CNTNAP2: variants seen among roughly 807,000 people sequenced by gnomAD.
CNTNAP2 encodes the protein contactin-associated protein-like 2.
In CNTNAP2, 98 loss-of-function variants were observed where a neutral mutation model predicts 155.2. The ratio of observed to expected loss-of-function variants is 0.63; its 90% CI spans 0.54 to 0.75. The LOEUF is 0.75. CNTNAP2 is among the 30% of genes least tolerant of loss of function. The pLI, the probability that CNTNAP2 is intolerant of heterozygous loss-of-function variation, is 0.00. For synonymous variants in CNTNAP2, 651 were observed against 631.2 expected (o/e 1.03, Z -0.47); for missense variants, 1,727 against 1,688.1 (o/e 1.02, Z -0.40).
chr7:146,182,234 G>T (rs1798559750), intron 1 of CNTNAP2, among the ~76,000 whole-genome samples: 1 of 152,064 alleles, frequency 6.6e-6, no homozygotes, highest in African/African-American at 2.4e-5. Context: ...AGAGACAAGA[G>T]AATCTTTTTG....
intron 9 of CNTNAP2, among the ~76,000 whole-genome samples, chr7:147,301,140 C>T (rs1449834434): frequency 6.6e-6 from 1 of 152,100 alleles, no homozygotes; most frequent in East Asian, 1.9e-4. Flanking sequence ...TTAAAGGTGC[C>T]TACCACAGTC....
Position 148,112,417 on chromosome 7 carries a change from A to G in CNTNAP2, c.2384-5701A>G, listed in dbSNP as rs1456091769. ...TATGAATACTGTGCTAAATTTTAGT[A>G]TTATTATTATTATTATTATTATTAT... On this transcript the variant is annotated intron_variant, in intron 15 of 23. Coordinates refer to ENST00000361727, the MANE Select transcript of CNTNAP2 (RefSeq NM_014141.6). Among the ~76,000 whole-genome samples the G allele has an allele frequency of 6.4e-5, 6 of 94,126 alleles. 1 individual carries two copies. In the East Asian group the frequency reaches 1.3e-3, roughly 21 times the overall value. The allele number at this position is 94,126 out of a possible 152,430, so 61.8% of individuals were successfully genotyped here. A position where few individuals can be genotyped will look rare whatever the true frequency, so the allele number is the denominator to read the frequency against.
At chr7:146,362,233 G>T (rs940265600) in intron 1 of CNTNAP2, among the ~76,000 whole-genome samples, 6 of 152,072 alleles carry the variant, frequency 3.9e-5, no homozygotes, top group African/African-American at 1.4e-4. Context: ...TGCACTACAC[G>T]GTGAAAACAA....
At chr7:148,089,752 C>G (rs936381468) in intron 15 of CNTNAP2, among the ~76,000 whole-genome samples, 7 of 151,496 alleles carry the variant, frequency 4.6e-5, no homozygotes, top group South Asian at 2.1e-4. Context: ...TATAAAAATT[C>G]CAATAACATT....
intron 10 of CNTNAP2, among the ~76,000 whole-genome samples, chr7:147,402,915 A>T (rs1013620734): frequency 2.8e-4 from 43 of 150,968 alleles, no homozygotes; most frequent in Middle Eastern, 3.2e-3. Context: ...CTGACTGATG[A>T]ACCCTCCCCT....
intron 9 of CNTNAP2, among the ~76,000 whole-genome samples, chr7:147,333,017 C>T (rs1475550879): frequency 6.6e-6 from 1 of 152,130 alleles, no homozygotes; most frequent in Non-Finnish European, 1.5e-5. Context: ...ACAAGGGATA[C>T]ATTAAATGTG....
intron 4 of CNTNAP2, among the ~76,000 whole-genome samples, 177 bp downstream of exon 4, chr7:147,044,231 A>C (rs780564784): frequency 6.6e-6 from 1 of 151,992 alleles, no homozygotes; most frequent in African/African-American, 2.4e-5. Flanking sequence ...TTGTGTCTCT[A>C]TTTGCATGTT....
intron 1 of CNTNAP2, among the ~76,000 whole-genome samples, chr7:146,446,533 A>T (rs940109877): frequency 1.2e-4 from 18 of 152,262 alleles, no homozygotes; most frequent in Middle Eastern, 3.4e-3. Flanking sequence ...AATCCCTATT[A>T]TTCTTTGCCT....
intron 1 of CNTNAP2, among the ~76,000 whole-genome samples, chr7:146,704,951 A>C (rs1230953224): frequency 3.9e-5 from 6 of 152,114 alleles, no homozygotes; most frequent in Admixed American, 3.9e-4. Flanking sequence ...TATTTCTTTT[A>C]GCTAGATGGT....
chr7:146,519,991 G>T (rs940056727), intron 1 of CNTNAP2, among the ~76,000 whole-genome samples: 1 of 151,624 alleles, frequency 6.6e-6, no homozygotes, highest in Non-Finnish European at 1.5e-5. Flanking sequence ...CATACAGAAT[G>T]AATGAATAAA....
intron 12 of CNTNAP2, among the ~76,000 whole-genome samples, chr7:147,588,785 C>A (rs1322056793): frequency 1.3e-5 from 2 of 152,168 alleles, no homozygotes; most frequent in Non-Finnish European, 2.9e-5. Flanking sequence ...CACAACCTCA[C>A]AACAAGTGCT....
intron 1 of CNTNAP2, among the ~76,000 whole-genome samples, chr7:146,347,387 C>T (rs942298257): frequency 1.2e-4 from 19 of 152,106 alleles, no homozygotes; most frequent in Non-Finnish European, 8.8e-5. Context: ...AACCAGAGAC[C>T]AGAATCATAG....
At chr7:147,969,247 C>T (rs898194339) in intron 14 of CNTNAP2, among the ~76,000 whole-genome samples, 30 of 152,208 alleles carry the variant, frequency 2.0e-4, no homozygotes, top group Middle Eastern at 6.8e-3. Context: ...GACAGGGTTT[C>T]GCCATATTGC....
At chr7:146,610,147 A>C (rs9886307) in intron 1 of CNTNAP2, among the ~76,000 whole-genome samples, 73,519 of 151,826 alleles carry the variant, frequency 0.48, 18,646 homozygotes, top group Non-Finnish European at 0.57. Context: ...GAATAATAAT[A>C]ATCATCATTT....
At chr7:146,753,370 TA>T (rs74617145) in intron 1 of CNTNAP2, among the ~76,000 whole-genome samples, 7,238 of 149,790 alleles carry the variant, frequency 0.048, 194 homozygotes, top group East Asian at 0.1. Context: ...TCCATGTAAT[TA>T]AAAAAAAAAT....
chr7:147,685,506 T>C (rs1328325865), intron 13 of CNTNAP2, among the ~76,000 whole-genome samples: 1 of 152,004 alleles, frequency 6.6e-6, no homozygotes, highest in African/African-American at 2.4e-5. Flanking sequence ...CAAACAATGG[T>C]GACTTCATTC....
At chr7:147,300,405 C>A in intron 9 of CNTNAP2, 115 bp downstream of exon 9, 4 of 843,966 alleles carry the variant, frequency 4.7e-6, no homozygotes, top group Non-Finnish European at 6.9e-6. Flanking sequence ...GATCTCATGA[C>A]AAAACAAACT....
chr7:146,626,701 A>G (rs373720071), intron 1 of CNTNAP2, among the ~76,000 whole-genome samples: 7 of 152,160 alleles, frequency 4.6e-5, no homozygotes, highest in African/African-American at 1.7e-4. Flanking sequence ...AAGTAAAAAG[A>G]TACAAAAGAA....
chr7:146,170,018 C>CTTTTT (rs71175637), intron 1 of CNTNAP2, among the ~76,000 whole-genome samples: 19 of 126,928 alleles, frequency 1.5e-4, no homozygotes, highest in Admixed American at 1.6e-4. Flanking sequence ...CCTTTCTTTT[C>CTTTTT]TTTTTTTTTT....
Sources: allele counts gnomAD v4.1 joint callset (sites outside exome capture counted in the v4.1 genomes callset), GRCh38; gene constraint gnomAD v4.1.1; transcripts MANE v1.5; gene names NCBI Gene and HGNC (gene_info 2026-07-23, HGNC 2026-07-21).